Variants in HTR1F observed in about 807,000 individuals in gnomAD.
HTR1F encodes the protein 5-hydroxytryptamine (serotonin) receptor 1F, G protein-coupled.
A neutral mutation model predicts 24.0 loss-of-function variants in HTR1F; 17 were observed. That is an observed-to-expected ratio of 0.71 (90% CI 0.48 to 1.06). HTR1F has a LOEUF of 1.06. Among genes scored for constraint, HTR1F ranks in the 50% least tolerant of loss-of-function variants. The probability of loss-of-function intolerance (pLI) is 0.00; values close to 1 mark genes in which losing one functional copy is unlikely to be tolerated. For missense variants in HTR1F, 391 were observed against 427.8 expected, an observed-to-expected ratio of 0.91 and a Z score of 0.76; for synonymous variants, 186 against 156.8, an observed-to-expected ratio of 1.19 and a Z score of -1.39.
intron 2 of HTR1F, among the ~76,000 whole-genome samples, chr3:87,984,914 A>G (rs2107518568): frequency 6.6e-6 from 1 of 152,342 alleles, no homozygotes; most frequent in South Asian, 2.1e-4. Flanking sequence ...CACTATGAAT[A>G]CATTCCTACT....
At chr3:87,938,135 A>G (rs1704473029) in intron 2 of HTR1F, among the ~76,000 whole-genome samples, 1 of 152,068 alleles carries the variant, frequency 6.6e-6, no homozygotes. Context: ...TAACATTCCT[A>G]TACACCAACA....
At chr3:87,887,569 C>G (rs967119970) in intron 2 of HTR1F, among the ~76,000 whole-genome samples, 1 of 152,176 alleles carries the variant, frequency 6.6e-6, no homozygotes, top group Admixed American at 6.5e-5. Context: ...TTTTTGCAAT[C>G]TATCCATCTG....
chr3:87,946,709 T>C (rs1704717579), intron 2 of HTR1F, among the ~76,000 whole-genome samples: 2 of 151,482 alleles, frequency 1.3e-5, no homozygotes, highest in East Asian at 2.0e-4. Flanking sequence ...CACTATAACC[T>C]CTGCCTCCCA....
chr3:87,950,505 C>A (rs1398423726), intron 2 of HTR1F, among the ~76,000 whole-genome samples: 1 of 151,314 alleles, frequency 6.6e-6, no homozygotes, highest in Non-Finnish European at 1.5e-5. Flanking sequence ...TCAGGATGCC[C>A]TGATGTTATT....
intron 2 of HTR1F, among the ~76,000 whole-genome samples, chr3:87,859,383 A>G (rs556376003): frequency 6.6e-6 from 1 of 152,326 alleles, no homozygotes; most frequent in African/African-American, 2.4e-5. Context: ...TGGTTTACTA[A>G]TATGTAGTTT....
At chr3:87,944,866 G>A (rs1704656660) in intron 2 of HTR1F, among the ~76,000 whole-genome samples, 1 of 152,126 alleles carries the variant, frequency 6.6e-6, no homozygotes, top group Non-Finnish European at 1.5e-5. Flanking sequence ...AAGGCTACAG[G>A]TTGTCAGTGG....
chr3:87,951,536 T>C (rs778545140), intron 2 of HTR1F, among the ~76,000 whole-genome samples: 1 of 152,104 alleles, frequency 6.6e-6, no homozygotes, highest in African/African-American at 2.4e-5. Flanking sequence ...GAAAAATTGA[T>C]TGGAAGTTAC....
At chr3:87,891,956 G>A (rs1287667988) in intron 2 of HTR1F, among the ~76,000 whole-genome samples, 4 of 152,144 alleles carry the variant, frequency 2.6e-5, no homozygotes, top group African/African-American at 9.7e-5. Flanking sequence ...TGTTCCTGTT[G>A]AGCTGCCAAC....
intron 2 of HTR1F, among the ~76,000 whole-genome samples, chr3:87,850,295 C>T (rs1705054200): frequency 6.6e-6 from 1 of 152,036 alleles, no homozygotes; most frequent in African/African-American, 2.4e-5. Context: ...ATGATGAGTT[C>T]ATGTCCTTTG....
chr3:87,934,069 T>A (rs146140344), intron 2 of HTR1F, among the ~76,000 whole-genome samples: 1 of 152,316 alleles, frequency 6.6e-6, no homozygotes, highest in African/African-American at 2.4e-5. Flanking sequence ...TTGGCCCACA[T>A]TCCTAGTCTT....
chr3:87,983,480 G>T (rs184692156), intron 2 of HTR1F, among the ~76,000 whole-genome samples: 8 of 152,074 alleles, frequency 5.3e-5, no homozygotes, highest in Admixed American at 3.9e-4. Flanking sequence ...TCCCAGGCTC[G>T]GAACCTAACT....
chr3:87,814,092 C>T (rs921694444), intron 1 of HTR1F, among the ~76,000 whole-genome samples: 1 of 152,092 alleles, frequency 6.6e-6, no homozygotes, highest in African/African-American at 2.4e-5. Flanking sequence ...TAAAGGGTGC[C>T]TTGTGCCTGG....
intron 2 of HTR1F, among the ~76,000 whole-genome samples, chr3:87,912,736 C>T (rs772546081): frequency 6.6e-6 from 1 of 150,490 alleles, no homozygotes; most frequent in Non-Finnish European, 1.5e-5. Context: ...AGTACAAACA[C>T]AGACACATAG....
intron 2 of HTR1F, among the ~76,000 whole-genome samples, chr3:87,849,300 G>A (rs1328680827): frequency 6.6e-6 from 1 of 151,578 alleles, no homozygotes; most frequent in African/African-American, 2.4e-5. Context: ...CAGAAATAAT[G>A]CCGCATATCT....
At chr3:87,860,989 T>A (rs901787649) in intron 2 of HTR1F, among the ~76,000 whole-genome samples, 25 of 152,004 alleles carry the variant, frequency 1.6e-4, no homozygotes, top group Non-Finnish European at 1.5e-5. Flanking sequence ...AAACACCATC[T>A]CTACTAATAA....
intron 2 of HTR1F, among the ~76,000 whole-genome samples, chr3:87,913,329 CA>C: frequency 6.6e-6 from 1 of 151,922 alleles, no homozygotes; most frequent in East Asian, 1.9e-4. Context: ...ACAGTGATAC[CA>C]AAAAAAGCTC....
intron 2 of HTR1F, among the ~76,000 whole-genome samples, chr3:87,831,564 T>A (rs1028109236): frequency 6.6e-6 from 1 of 151,776 alleles, no homozygotes; most frequent in Non-Finnish European, 1.5e-5. Flanking sequence ...GGGTTTCACC[T>A]TGTTAGCCAG....
chr3:87,942,612 C>CT (rs1704597537), intron 2 of HTR1F, among the ~76,000 whole-genome samples: 1 of 152,064 alleles, frequency 6.6e-6, no homozygotes, highest in African/African-American at 2.4e-5. Context: ...CTTGGATAAT[C>CT]TTTTTTAAAG....
rs144520989 is a variant in HTR1F, at chr3:87,868,210, C to T, written c.-43+46086C>T. Reference sequence around the variant, plus strand: ...TGGAGATTTCTGACATTAGTTGGATCTCATTGTTTCTTCTAGCCCTTTTAA... The same window carrying T: ...TGGAGATTTCTGACATTAGTTGGATTTCATTGTTTCTTCTAGCCCTTTTAA... On this transcript the variant is annotated intron_variant, in intron 2 of 2. Transcript: ENST00000319595. 3.9e-3 allele frequency among the ~76,000 whole-genome samples: 593 copies of T among 152,172 alleles called. 7 individuals carry two copies. Among genetic ancestry groups the T allele is most frequent in the African/African-American group, 0.014 (570 of 41,562 alleles).
Sources: gnomAD v4.1 joint callset for allele counts (sites outside exome capture counted in the v4.1 genomes callset) on GRCh38, gnomAD v4.1.1 for gene constraint, MANE v1.5 for transcripts, NCBI Gene and HGNC (gene_info 2026-07-23, HGNC 2026-07-21) for gene names.